Variants in FOCAD observed in about 807,000 individuals in gnomAD.
FOCAD encodes KIAA1797.
In FOCAD, 198 loss-of-function variants were observed where a neutral mutation model predicts 225.6. The observed-to-expected ratio is 0.88, with a 90% CI of 0.78 to 0.99. FOCAD has a LOEUF of 0.99. Ranked by LOEUF, FOCAD falls within the 50% of genes least tolerant of loss-of-function variation. The pLI, the probability that FOCAD is intolerant of heterozygous loss-of-function variation, is 0.00. For synonymous variants in FOCAD, 897 were observed against 755.0 expected (o/e 1.19, Z -3.08); for missense variants, 2,713 against 2,123.6 (o/e 1.28, Z -5.46).
rs555317829 is a variant in FOCAD at position 20,980,917 on chromosome 9, G to A, written c.4378-509G>A. On this transcript the variant is annotated intron_variant, in intron 37 of 43. Coordinates refer to ENST00000338382, the MANE Select transcript of FOCAD (RefSeq NM_001375567.1). ...GTCAGTTCTACGTGCTCAGCTGGTG[G>A]TTTTACTTTGGTCATAAATGGTCCC... Among the ~76,000 whole-genome samples the A allele has an allele frequency of 9.1e-4, 139 of 152,188 alleles. 2 individuals are homozygous for A. Among genetic ancestry groups the A allele is most frequent in the African/African-American group, 3.3e-3 (137 of 41,522 alleles).
chr9:20,776,865 A>G (rs901370453), intron 8 of FOCAD, among the ~76,000 whole-genome samples: 3 of 152,176 alleles, frequency 2.0e-5, no homozygotes, highest in Non-Finnish European at 4.4e-5. Flanking sequence ...TTTTATGGAC[A>G]TGCAGAAATT....
chr9:20,912,221 G>A (rs1354970690), intron 22 of FOCAD, among the ~76,000 whole-genome samples: 1 of 152,032 alleles, frequency 6.6e-6, no homozygotes. Context: ...ATGGAGTAGA[G>A]GGGGAAGCAT....
intron 35 of FOCAD, among the ~76,000 whole-genome samples, chr9:20,956,009 A>T (rs764211349): frequency 7.2e-5 from 11 of 152,240 alleles, no homozygotes; most frequent in Non-Finnish European, 1.5e-4. Flanking sequence ...AAAAATTCAC[A>T]GTAAGAAGTA....
At chr9:20,771,626 G>A (rs981796281) in intron 8 of FOCAD, among the ~76,000 whole-genome samples, 3 of 152,142 alleles carry the variant, frequency 2.0e-5, no homozygotes, top group Admixed American at 1.3e-4. Context: ...TGGGTGTGGT[G>A]TTGCATGCCT....
rs183796592 is a variant in FOCAD, at chr9:20,686,203, C to A, written c.-33+1910C>A. ...AGACAGGGTCACTCTGTCGCCCAGG[C>A]TGGAGTGCAGTGCTGCGATCTCGGC... On this transcript the variant is annotated intron_variant, in intron 1 of 43. Transcript: ENST00000338382. Among the ~76,000 whole-genome samples the A allele has an allele frequency of 1.3e-3, 191 of 152,328 alleles. 1 individual carries two copies. Among genetic ancestry groups the A allele is most frequent in the Admixed American group, 3.6e-3 (55 of 15,298 alleles).
intron 43 of FOCAD, among the ~76,000 whole-genome samples, chr9:20,993,546 A>G (rs1429172096): frequency 1.3e-5 from 2 of 152,164 alleles, no homozygotes; most frequent in East Asian, 1.9e-4. Flanking sequence ...CACAAAGTTT[A>G]TTTATGTTTC....
chr9:20,886,604 G>A (rs1831121286), intron 21 of FOCAD, among the ~76,000 whole-genome samples: 1 of 152,340 alleles, frequency 6.6e-6, no homozygotes. Flanking sequence ...TTTGGGTTAA[G>A]ATACTTGTTG....
intron 21 of FOCAD, among the ~76,000 whole-genome samples, chr9:20,895,577 A>G (rs1282570731): frequency 6.6e-6 from 1 of 151,804 alleles, no homozygotes; most frequent in Non-Finnish European, 1.5e-5. Flanking sequence ...GTGTATATAT[A>G]TAGATATATT....
At chr9:20,774,835 G>A (rs1034877273) in intron 8 of FOCAD, among the ~76,000 whole-genome samples, 1 of 152,142 alleles carries the variant, frequency 6.6e-6, no homozygotes, top group Admixed American at 6.5e-5. Flanking sequence ...TGTTTTAGCA[G>A]TTTTAGAAGG....
At chr9:20,864,690 T>C (rs561709670) in intron 16 of FOCAD, among the ~76,000 whole-genome samples, 1 of 152,250 alleles carries the variant, frequency 6.6e-6, no homozygotes. Context: ...GAGTCCATGA[T>C]TTAATTATAG....
chr9:20,977,219 G>A (rs1387954011), intron 36 of FOCAD, among the ~76,000 whole-genome samples: 1 of 152,088 alleles, frequency 6.6e-6, no homozygotes, highest in East Asian at 1.9e-4. Context: ...CAACTTTAAG[G>A]ACTCATGTAA....
At chr9:20,815,123 G>GTGTTGTTTTTTTTTTTTTTTTT (rs1564024181) in intron 11 of FOCAD, among the ~76,000 whole-genome samples, 1 of 85,396 alleles carries the variant, frequency 1.2e-5, no homozygotes, top group Non-Finnish European at 2.2e-5. Flanking sequence ...ACTTCTCTTT[G>GTGTTGTTTTTTTTTTTTTTTTT]TTTTTTTTTT....
At chr9:20,780,973 C>T (rs1235010216) in intron 9 of FOCAD, among the ~76,000 whole-genome samples, 1 of 152,132 alleles carries the variant, frequency 6.6e-6, no homozygotes, top group Non-Finnish European at 1.5e-5. Context: ...AGAATTTTTG[C>T]TGTAGTGGGG....
At chr9:20,898,060 T>A (rs955462196) in intron 21 of FOCAD, among the ~76,000 whole-genome samples, 2 of 151,834 alleles carry the variant, frequency 1.3e-5, no homozygotes, top group Non-Finnish European at 2.9e-5. Context: ...TTCACTCTCT[T>A]CTCTTCTTGC....
intron 4 of FOCAD, among the ~76,000 whole-genome samples, chr9:20,722,845 C>T (rs1008012902): frequency 1.3e-5 from 2 of 151,708 alleles, no homozygotes; most frequent in Admixed American, 6.6e-5. Flanking sequence ...GTATTTTTTG[C>T]CCCCCACCCC....
intron 11 of FOCAD, among the ~76,000 whole-genome samples, chr9:20,807,640 A>G (rs1286637050): frequency 6.6e-6 from 1 of 152,238 alleles, no homozygotes; most frequent in Non-Finnish European, 1.5e-5. Context: ...GATTCAGAGT[A>G]GCTACATTTC....
intron 22 of FOCAD, among the ~76,000 whole-genome samples, 195 bp from the exon 23 acceptor site, chr9:20,912,671 A>C (rs1227733898): frequency 1.3e-5 from 2 of 152,150 alleles, no homozygotes; most frequent in Non-Finnish European, 2.9e-5. Context: ...CTAGGATGTT[A>C]CCTCTTTGGT....
chr9:20,968,909 G>C (rs142933310), intron 35 of FOCAD, among the ~76,000 whole-genome samples: 5 of 151,936 alleles, frequency 3.3e-5, no homozygotes, highest in Non-Finnish European at 1.5e-5. Flanking sequence ...GGCATTTATT[G>C]CTGTAGATGT....
intron 6 of FOCAD, among the ~76,000 whole-genome samples, chr9:20,760,128 A>G (rs1829442420): frequency 6.6e-6 from 1 of 152,042 alleles, no homozygotes. Context: ...CCAGTCTCTA[A>G]ACATCCCTCA....
Sources: gnomAD v4.1 joint callset for allele counts (sites outside exome capture counted in the v4.1 genomes callset) on GRCh38, gnomAD v4.1.1 for gene constraint, MANE v1.5 for transcripts, NCBI Gene and HGNC (gene_info 2026-07-23, HGNC 2026-07-21) for gene names.